Variants in STK33 observed in about 807,000 individuals in gnomAD.
The protein encoded by STK33 is serine/threonine-protein kinase 33.
Under a neutral mutation model 58.0 loss-of-function variants are expected in STK33, and 52 were observed. The observed-to-expected ratio is 0.90, with a 90% CI of 0.72 to 1.13. The LOEUF (loss-of-function observed/expected upper bound fraction) is 1.13. Among genes scored for constraint, STK33 ranks in the 50% most tolerant of loss-of-function variants. The pLI is 0.00. For synonymous variants in STK33, 215 were observed against 200.1 expected (o/e 1.07, Z -0.63); for missense variants, 630 against 604.2 (o/e 1.04, Z -0.45).
At chr11:8,497,997 A>T (rs1378365000) in intron 1 of STK33, among the ~76,000 whole-genome samples, 3 of 152,162 alleles carry the variant, frequency 2.0e-5, no homozygotes, top group African/African-American at 7.2e-5. Context: ...AGCAGCATAT[A>T]AAAAGGATAC....
chr11:8,357,285 C>T, the STK33 span, among the ~76,000 whole-genome samples: 1 of 152,250 alleles, frequency 6.6e-6, no homozygotes, highest in Non-Finnish European at 1.5e-5. Context: ...GGGTCCGGCC[C>T]CCGCAATGAG....
intron 15 of STK33, among the ~76,000 whole-genome samples, chr11:8,396,488 A>C (rs2135071289): frequency 6.6e-6 from 1 of 152,338 alleles, no homozygotes; most frequent in South Asian, 2.1e-4. Flanking sequence ...AAAGAATCTG[A>C]GACTCAGTGG....
chr11:8,483,737 T>C (rs1950010088), intron 1 of STK33, among the ~76,000 whole-genome samples: 1 of 152,158 alleles, frequency 6.6e-6, no homozygotes, highest in Admixed American at 6.5e-5. Context: ...CGAACGAACA[T>C]ATTAAAATTT....
At chr11:8,403,699 AC>A (rs1415944084) in intron 15 of STK33, among the ~76,000 whole-genome samples, 2 of 152,216 alleles carry the variant, frequency 1.3e-5, no homozygotes, top group African/African-American at 4.8e-5. Context: ...GTAATTCAGT[AC>A]CCTTGGCCTA....
At chr11:8,362,085 G>A in the STK33 span, among the ~76,000 whole-genome samples, 1 of 152,186 alleles carries the variant, frequency 6.6e-6, no homozygotes, top group Non-Finnish European at 1.5e-5. Flanking sequence ...AGGGTGAGCT[G>A]CCTTCCAAAC....
chr11:8,456,058 T>C (rs1336085632), intron 9 of STK33, among the ~76,000 whole-genome samples: 1 of 152,164 alleles, frequency 6.6e-6, no homozygotes, highest in Non-Finnish European at 1.5e-5. Context: ...GCTGCCTCCA[T>C]TGTTCTTCTT....
the STK33 span, among the ~76,000 whole-genome samples, chr11:8,386,184 C>T: frequency 2.6e-5 from 4 of 152,216 alleles, no homozygotes; most frequent in Non-Finnish European, 5.9e-5. Context: ...GGTAGTCAGA[C>T]TATTCCCCTC....
intron 11 of STK33, among the ~76,000 whole-genome samples, chr11:8,448,263 A>C (rs547675970): frequency 0.015 from 2,216 of 152,302 alleles, 49 homozygotes; most frequent in African/African-American, 0.05. Context: ...GACTTTCTTC[A>C]CAGAATTGGA....
chr11:8,488,721 A>G (rs1950359444), intron 1 of STK33, among the ~76,000 whole-genome samples: 1 of 152,176 alleles, frequency 6.6e-6, no homozygotes, highest in South Asian at 2.1e-4. Context: ...AACCAGCAGC[A>G]ACAAAACACC....
intron 15 of STK33, among the ~76,000 whole-genome samples, chr11:8,405,520 T>C (rs1323521711): frequency 6.9e-6 from 1 of 144,726 alleles, no homozygotes; most frequent in Non-Finnish European, 1.5e-5. Flanking sequence ...TCCCTGTCTG[T>C]GGCTTATTTT....
the STK33 span, among the ~76,000 whole-genome samples, chr11:8,365,570 C>T: frequency 6.6e-6 from 1 of 152,212 alleles, no homozygotes; most frequent in African/African-American, 2.4e-5. Flanking sequence ...CTGCCCATGT[C>T]TGAATCCACA....
intron 1 of STK33, among the ~76,000 whole-genome samples, chr11:8,529,554 A>G (rs1591645833): frequency 6.6e-6 from 1 of 152,078 alleles, no homozygotes; most frequent in East Asian, 1.9e-4. Flanking sequence ...CCCTGGGAAT[A>G]TGTTTCCTTA....
intron 1 of STK33, among the ~76,000 whole-genome samples, chr11:8,544,183 C>G (rs1411007512): frequency 1.3e-5 from 2 of 151,714 alleles, no homozygotes; most frequent in East Asian, 3.9e-4. Context: ...CCGACAGGCA[C>G]GGGTGTGTGA....
At chr11:8,362,883 CCTCT>C in the STK33 span, among the ~76,000 whole-genome samples, 5 of 149,748 alleles carry the variant, frequency 3.3e-5, no homozygotes, top group Admixed American at 1.3e-4. Context: ...TCCCTCCCTC[CCTCT>C]TCCTTCCTCT....
chr11:8,376,769 T>A, the STK33 span, among the ~76,000 whole-genome samples: 1 of 152,056 alleles, frequency 6.6e-6, no homozygotes, highest in Admixed American at 6.5e-5. Context: ...CTTGATCTCC[T>A]AATCTCGTGA....
the STK33 span, among the ~76,000 whole-genome samples, chr11:8,376,534 C>T: frequency 6.6e-6 from 1 of 151,784 alleles, no homozygotes; most frequent in African/African-American, 2.4e-5. Context: ...TCCTGGCAGG[C>T]TTTGATTCTT....
At chr11:8,562,663 C>T (rs1466321242) in intron 1 of STK33, among the ~76,000 whole-genome samples, 2 of 151,898 alleles carry the variant, frequency 1.3e-5, no homozygotes, top group African/African-American at 2.4e-5. Flanking sequence ...CAATTAGTTT[C>T]ATGATAAGGA....
intron 1 of STK33, among the ~76,000 whole-genome samples, chr11:8,592,962 G>A (rs1328832938): frequency 1.3e-5 from 2 of 152,176 alleles, no homozygotes; most frequent in Admixed American, 6.5e-5. Flanking sequence ...ATGGTAGATT[G>A]GTCTAGGGTA....
chr11:8,392,719 A>G lies in STK33; in HGVS notation c.1345-9T>C. On this transcript the variant is annotated splice_polypyrimidine_tract_variant and intron_variant, in intron 15 of 15. Transcript: ENST00000687296. ...TTTTCATAAGCAGTAGACTGCAAAT[A>G]AAAGGTCTTGATTAATTTTCAGACA... 1 of 1,613,864 alleles carries G rather than the reference A, an allele frequency of 6.2e-7. No homozygotes were observed. The highest frequency in any genetic ancestry group is 8.5e-7 in the Non-Finnish European group (1 of 1,179,812).
Sources: allele counts gnomAD v4.1 joint callset (sites outside exome capture counted in the v4.1 genomes callset), GRCh38; gene constraint gnomAD v4.1.1; transcripts MANE v1.5; gene names NCBI Gene and HGNC (gene_info 2026-07-23, HGNC 2026-07-21).